Variants in BEGAIN observed in about 807,000 individuals in gnomAD.
BEGAIN encodes the protein brain enriched guanylate kinase associated.
Under a neutral mutation model 35.8 loss-of-function variants are expected in BEGAIN, and 19 were observed. The observed-to-expected ratio is 0.53, with a 90% CI of 0.37 to 0.78. The LOEUF is 0.78. Among genes scored for constraint, BEGAIN ranks in the 30% least tolerant of loss-of-function variants. BEGAIN has a pLI of 0.00. For missense variants in BEGAIN, 795 were observed against 853.6 expected, an observed-to-expected ratio of 0.93 and a Z score of 0.85; for synonymous variants, 462 against 388.6, an observed-to-expected ratio of 1.19 and a Z score of -2.22.
At chr14:100,580,623 G>C (rs2035295698) in intron 1 of BEGAIN, among the ~76,000 whole-genome samples, 1 of 152,038 alleles carries the variant, frequency 6.6e-6, no homozygotes, top group Non-Finnish European at 1.5e-5. Context: ...GTCCCCCTCT[G>C]TCCCTCAGAT....
intron 2 of BEGAIN, chr14:100,548,963 A>C (rs1313291424): frequency 6.6e-6 from 1 of 151,878 alleles, no homozygotes; most frequent in Non-Finnish European, 1.5e-5. Flanking sequence ...TGCTACACCC[A>C]ACCAATCTTT....
intron 2 of BEGAIN, 61 bp from the exon 3 acceptor site, chr14:100,546,723 G>A (rs1195194720): frequency 8.9e-6 from 13 of 1,465,994 alleles, no homozygotes; most frequent in South Asian, 1.3e-5. Flanking sequence ...ACTAAGGCCC[G>A]CAGGCCAGCC....
chr14:100,555,620 C>T (rs893871809), intron 2 of BEGAIN, among the ~76,000 whole-genome samples: 5 of 152,256 alleles, frequency 3.3e-5, no homozygotes, highest in Non-Finnish European at 5.9e-5. Flanking sequence ...TCACACAGCC[C>T]GGCTGGGGTT....
At chr14:100,561,076 G>A (rs2034206605) in intron 2 of BEGAIN, among the ~76,000 whole-genome samples, 1 of 152,168 alleles carries the variant, frequency 6.6e-6, no homozygotes, top group South Asian at 2.1e-4. Context: ...GCCTGACATG[G>A]AGCCCTGAGA....
intron 1 of BEGAIN, among the ~76,000 whole-genome samples, chr14:100,571,084 C>T (rs1048048483): frequency 2.6e-5 from 4 of 152,164 alleles, no homozygotes; most frequent in Non-Finnish European, 4.4e-5. Context: ...GGACAGTCCT[C>T]ATGGCACAGT....
In BEGAIN at chr14:100,546,588, G is replaced by T; in HGVS notation, c.146C>A (p.Thr49Asn). The change falls in exon 3 of 7, where the codon ACC (threonine) becomes AAC (asparagine). Residue 49 changes from threonine (T) to asparagine (N), a missense_variant. Physicochemically the swap from Thr to Asn is moderately conservative, Grantham distance 65 (BLOSUM62 0). Around this residue, in one of 3 missense-constraint regions of BEGAIN, gnomAD observed 58 missense variants for 62.7 expected, o/e 0.92. Transcript: ENST00000554140. ...GTAGTGGCGCGTGGAGTCGAACTCGGTCTCGAGCTTCTCGAGCTTGTGTGT... is the reference window on the plus strand; with the variant it reads ...GTAGTGGCGCGTGGAGTCGAACTCGTTCTCGAGCTTCTCGAGCTTGTGTGT... ...YTTHKLEKLETEFDSTRHYLE... is the reference protein window; with the variant it reads ...YTTHKLEKLENEFDSTRHYLE... 1 of 1,593,138 alleles carries T rather than the reference G, an allele frequency of 6.3e-7. No individual in the cohort carries two copies.
chr14:100,538,486 C>T lies in BEGAIN; in HGVS notation c.1322G>A (p.Ser441Asn), dbSNP rs374433002. ...GGAGTAGGCGCCGATGTCCTCCACG[C>T]TCAGGGGACGCCACTGGCCCCTCAT... ...EDMRGQWRPL[S>N]VEDIGAYSYP... The change falls in exon 7 of 7, where the codon AGC becomes AAC. Residue 441 changes from serine to asparagine, a missense_variant. Physicochemically the swap from Ser to Asn is conservative, Grantham distance 46 (BLOSUM62 1). Coordinates refer to ENST00000554140, the MANE Select transcript of BEGAIN (RefSeq NM_001385089.1). The T allele has an allele frequency of 3.9e-6, 6 of 1,555,126 alleles. No individual in the cohort carries two copies. Among genetic ancestry groups the T allele is most frequent in the Non-Finnish European group, 5.2e-6 (6 of 1,156,000 alleles).
chr14:100,539,900 C>G (rs4905970), intron 6 of BEGAIN, among the ~76,000 whole-genome samples: 65,744 of 151,960 alleles, frequency 0.43, 14,682 homozygotes, highest in East Asian at 0.63. Flanking sequence ...TCAGGCATGG[C>G]CCAGGACCAG....
intron 4 of BEGAIN, 54 bp from the exon 5 acceptor site, chr14:100,544,019 A>C (rs1595110941): frequency 2.9e-6 from 4 of 1,380,166 alleles, no homozygotes; most frequent in East Asian, 2.5e-5. Context: ...TGGTGAGCCA[A>C]CCCAGTCGCT....
intron 1 of BEGAIN, among the ~76,000 whole-genome samples, chr14:100,582,108 C>T (rs549644627): frequency 1.3e-5 from 2 of 152,332 alleles, no homozygotes; most frequent in East Asian, 1.9e-4. Flanking sequence ...ACCTTCCCCT[C>T]GTCCCAGCAC....
chr14:100,540,599 G>T lies in BEGAIN; in HGVS notation c.409-20C>A. On this transcript the variant is annotated intron_variant, in intron 5 of 6. Coordinates refer to ENST00000554140, the MANE Select transcript of BEGAIN (RefSeq NM_001385089.1). ...GAGCTCCTAAAAGACAAGAGAAGGC[G>T]TTTGGCGCCATTCACCCCAGCCAAG... The T allele has an allele frequency of 1.3e-6, 2 of 1,573,074 alleles. No homozygotes were observed. Among genetic ancestry groups the T allele is most frequent in the Non-Finnish European group, 1.7e-6 (2 of 1,156,010 alleles).
At position 100,558,859 on chromosome 14, in the gene BEGAIN, A is replaced by G. The variant is rs985852670; in HGVS notation, c.71+9052T>C. ...GCTCTCAGCCCGAGACCTCCTTGAA[A>G]CCAACGTCAGACCCATCCTTGGGGA... On this transcript the variant is annotated intron_variant, in intron 2 of 6. Transcript: ENST00000554140. This position sits in a 1 kb window ranked among gnomAD's most constrained non-coding sequence, Gnocchi z 4.6. Among the ~76,000 whole-genome samples, 18 of 152,066 alleles carry G rather than the reference A, an allele frequency of 1.2e-4. No homozygotes were observed. The highest frequency in any genetic ancestry group is 4.1e-4 in the African/African-American group (17 of 41,402).
chr14:100,539,324 G>A lies in BEGAIN; in HGVS notation c.493-9C>T. Reference sequence around the variant, plus strand: ...TGGAAATCCGAGGGCAGCTGGAACGGGTGCGAGGAGGGGGACGGCGGGTAC... The same window carrying A: ...TGGAAATCCGAGGGCAGCTGGAACGAGTGCGAGGAGGGGGACGGCGGGTAC... On this transcript the variant is annotated splice_polypyrimidine_tract_variant and intron_variant, in intron 6 of 6. Coordinates refer to ENST00000554140, the MANE Select transcript of BEGAIN (RefSeq NM_001385089.1). The A allele has an allele frequency of 8.4e-6, 13 of 1,538,840 alleles. No individual in the cohort carries two copies. The highest frequency in any genetic ancestry group is 1.1e-5 in the Non-Finnish European group (13 of 1,145,074).
intron 1 of BEGAIN, among the ~76,000 whole-genome samples, chr14:100,580,912 G>T (rs1033543860): frequency 6.6e-6 from 1 of 152,150 alleles, no homozygotes; most frequent in African/African-American, 2.4e-5. Flanking sequence ...GAATATAGGG[G>T]AGGGATCTCA....
chr14:100,583,002 G>T (rs901371050), intron 1 of BEGAIN, among the ~76,000 whole-genome samples: 1 of 150,482 alleles, frequency 6.6e-6, no homozygotes, highest in African/African-American at 2.4e-5. Flanking sequence ...TCAACCAACC[G>T]TCCTTCACCA....
At chr14:100,540,406 A>T in intron 6 of BEGAIN, 90 bp downstream of exon 6, 1 of 1,020,848 alleles carries the variant, frequency 9.8e-7, no homozygotes, top group East Asian at 2.6e-5. Context: ...CTTCCTCCTC[A>T]AAGATGGGAA....
chr14:100,537,909 C>A lies in BEGAIN; in HGVS notation c.*60G>T. 6.5e-7 allele frequency: 1 copy of A among 1,534,764 alleles called. No individual in the cohort carries two copies. Among genetic ancestry groups the A allele is most frequent in the Admixed American group, 1.9e-5 (1 of 51,382 alleles). On this transcript the variant is annotated 3_prime_UTR_variant, in exon 7 of 7. Coordinates refer to ENST00000554140, the MANE Select transcript of BEGAIN (RefSeq NM_001385089.1). ...GGGGGCTGGGGAGAGGTGAGGCCGG[C>A]CCTTCTGGGGCACGTGGGCTGGCGG...
rs1235209250 is a variant in BEGAIN, at chr14:100,543,937, G to A, written c.329C>T (p.Ala110Val). 8 of 1,612,158 alleles carry A rather than the reference G, an allele frequency of 5.0e-6. No homozygotes were observed. The highest frequency in any genetic ancestry group is 2.2e-5 in the East Asian group (1 of 44,846). The change falls in exon 5 of 7, where the codon GCG (alanine) becomes GTG (valine). Residue 110 changes from alanine to valine, a missense_variant. Coordinates refer to ENST00000554140, the MANE Select transcript of BEGAIN (RefSeq NM_001385089.1). Reference sequence around the variant, plus strand: ...GAGGGCAACAATCTCGTGGCTCAGCGCACGCTTCTCCTCCTCATAGTGCTG... The same window carrying A: ...GAGGGCAACAATCTCGTGGCTCAGCACACGCTTCTCCTCCTCATAGTGCTG... ...MGQHYEEEKRALSHEIVALNS... is the reference protein window; with the variant it reads ...MGQHYEEEKRVLSHEIVALNS...
rs1239078246 is a variant in BEGAIN at position 100,563,578 on chromosome 14, G to A, written c.71+4333C>T. 6.6e-6 allele frequency among the ~76,000 whole-genome samples: 1 copy of A among 152,196 alleles called. No individual in the cohort carries two copies. The highest frequency in any genetic ancestry group is 2.4e-5 in the African/African-American group (1 of 41,442). On this transcript the variant is annotated intron_variant, in intron 2 of 6. Transcript: ENST00000554140. This position sits in a 1 kb window ranked among gnomAD's most constrained non-coding sequence, Gnocchi z 4.2. ...GCCTTCGCCGGTGAGGAAACCCAGCGGGCAGCAAACCAGGGCAGCCCACCC... is the reference window on the plus strand; with the variant it reads ...GCCTTCGCCGGTGAGGAAACCCAGCAGGCAGCAAACCAGGGCAGCCCACCC...
Sources: allele counts gnomAD v4.1 joint callset (sites outside exome capture counted in the v4.1 genomes callset), GRCh38; gene constraint gnomAD v4.1.1; regional missense constraint gnomAD v4.1.1; non-coding constraint Gnocchi (gnomAD v3.1); transcripts MANE v1.5; gene names NCBI Gene and HGNC (gene_info 2026-07-23, HGNC 2026-07-21).